The following STK32B variants were observed in gnomAD, a reference collection of about 807,000 sequenced individuals.
STK32B encodes serine/threonine-protein kinase 32B.
In STK32B, 43 loss-of-function variants were observed where a neutral mutation model predicts 52.6. That is an observed-to-expected ratio of 0.82 (90% confidence interval 0.64 to 1.05). The LOEUF is 1.05. Among genes scored for constraint, STK32B ranks in the 50% least tolerant of loss-of-function variants. The pLI is 0.00. For synonymous variants in STK32B, 238 were observed against 204.3 expected, an observed-to-expected ratio of 1.17 and a Z score of -1.41; for missense variants, 621 against 534.6, an observed-to-expected ratio of 1.16 and a Z score of -1.59.
intron 1 of STK32B, among the ~76,000 whole-genome samples, chr4:5,053,567 A>G (rs1741873271): frequency 6.6e-6 from 1 of 152,166 alleles, no homozygotes; most frequent in South Asian, 2.1e-4. Context: ...CAGCTTGAAA[A>G]TATTCATTGG....
intron 4 of STK32B, among the ~76,000 whole-genome samples, chr4:5,370,821 A>T (rs1735177045): frequency 6.6e-6 from 1 of 151,924 alleles, no homozygotes; most frequent in Admixed American, 6.6e-5. Flanking sequence ...AAAATAAAAA[A>T]AATTAGCCAG....
intron 3 of STK32B, among the ~76,000 whole-genome samples, chr4:5,311,405 C>T (rs1730279127): frequency 6.6e-6 from 1 of 151,740 alleles, no homozygotes; most frequent in African/African-American, 2.4e-5. Flanking sequence ...CAAAATAAAC[C>T]CAAGGCAAGC....
intron 3 of STK32B, among the ~76,000 whole-genome samples, chr4:5,253,714 A>G (rs142694412): frequency 6.6e-6 from 1 of 152,084 alleles, no homozygotes; most frequent in Non-Finnish European, 1.5e-5. Flanking sequence ...AGGTCTGGAG[A>G]TCTGTAGCAC....
chr4:5,326,276 C>T (rs1283341178), intron 3 of STK32B, among the ~76,000 whole-genome samples: 2 of 152,132 alleles, frequency 1.3e-5, no homozygotes, highest in South Asian at 2.1e-4. Flanking sequence ...TGTTTGATTC[C>T]TGTGTTTTCT....
intron 4 of STK32B, among the ~76,000 whole-genome samples, chr4:5,384,088 G>A (rs1441992703): frequency 6.6e-6 from 1 of 152,242 alleles, no homozygotes; most frequent in African/African-American, 2.4e-5. Context: ...GGCCATAGCG[G>A]GGGACAATGC....
chr4:5,063,796 G>T (rs1025598997), intron 1 of STK32B, among the ~76,000 whole-genome samples: 2 of 152,034 alleles, frequency 1.3e-5, no homozygotes, highest in Admixed American at 6.6e-5. Flanking sequence ...CTAACTTATC[G>T]AACAGCATAC....
intron 3 of STK32B, among the ~76,000 whole-genome samples, chr4:5,178,772 C>A (rs1298997837): frequency 6.6e-6 from 1 of 152,206 alleles, no homozygotes; most frequent in Non-Finnish European, 1.5e-5. Flanking sequence ...CCCAACAGGC[C>A]TCTCATCTCC....
At chr4:5,052,225 A>G (rs1388582102) in intron 1 of STK32B, among the ~76,000 whole-genome samples, 1 of 152,112 alleles carries the variant, frequency 6.6e-6, no homozygotes, top group African/African-American at 2.4e-5. Flanking sequence ...TTCGGAGGCC[A>G]GTCGGGATGG....
At chr4:5,463,456 A>G (rs957466590) in intron 9 of STK32B, among the ~76,000 whole-genome samples, 22 of 146,492 alleles carry the variant, frequency 1.5e-4, no homozygotes, top group African/African-American at 5.5e-4. Context: ...ACACACCCAC[A>G]CACTGATGCA....
chr4:5,334,320 T>A (rs1272725724), intron 4 of STK32B, among the ~76,000 whole-genome samples: 7 of 151,564 alleles, frequency 4.6e-5, no homozygotes, highest in African/African-American at 1.2e-4. Flanking sequence ...TTTTTATACA[T>A]TGATTTTGTA....
At chr4:5,217,126 T>C (rs917125383) in intron 3 of STK32B, among the ~76,000 whole-genome samples, 3 of 152,212 alleles carry the variant, frequency 2.0e-5, no homozygotes, top group Non-Finnish European at 4.4e-5. Flanking sequence ...AGGCCAATTA[T>C]GCATTGCCTT....
At chr4:5,450,423 T>C (rs961180722) in intron 7 of STK32B, among the ~76,000 whole-genome samples, 1 of 152,128 alleles carries the variant, frequency 6.6e-6, no homozygotes, top group Non-Finnish European at 1.5e-5. Context: ...TGAGCACCCA[T>C]CTGTTCATTG....
chr4:5,317,918 A>T (rs1231435691), intron 3 of STK32B, among the ~76,000 whole-genome samples: 1 of 152,076 alleles, frequency 6.6e-6, no homozygotes, highest in Non-Finnish European at 1.5e-5. Flanking sequence ...TCACCTGAAA[A>T]TCTGTTAGAA....
At chr4:5,270,461 C>A (rs1227956048) in intron 3 of STK32B, among the ~76,000 whole-genome samples, 3 of 152,076 alleles carry the variant, frequency 2.0e-5, no homozygotes, top group Non-Finnish European at 4.4e-5. Flanking sequence ...CTTTCCCAGT[C>A]CACTGACTCA....
intron 11 of STK32B, among the ~76,000 whole-genome samples, chr4:5,474,841 G>A (rs1384722547): frequency 2.0e-5 from 3 of 152,168 alleles, no homozygotes; most frequent in Non-Finnish European, 4.4e-5. Flanking sequence ...ATTCTGACTT[G>A]AATGGTGTCT....
chr4:5,420,111 G>C (rs548313741), intron 6 of STK32B, among the ~76,000 whole-genome samples: 1 of 152,240 alleles, frequency 6.6e-6, no homozygotes, highest in South Asian at 2.1e-4. Flanking sequence ...AGGCTTAGGA[G>C]GTTGGGTGAC....
At chr4:5,287,430 T>C (rs891114691) in intron 3 of STK32B, among the ~76,000 whole-genome samples, 5 of 152,164 alleles carry the variant, frequency 3.3e-5, no homozygotes, top group African/African-American at 4.8e-5. Flanking sequence ...TAAAAGAAAC[T>C]CTTCAAGCCT....
intron 3 of STK32B, among the ~76,000 whole-genome samples, chr4:5,197,662 C>A (rs1721793988): frequency 6.6e-6 from 1 of 152,200 alleles, no homozygotes; most frequent in Admixed American, 6.5e-5. Context: ...TGAACATAGT[C>A]TGCTTTTGCA....
intron 4 of STK32B, among the ~76,000 whole-genome samples, chr4:5,342,941 G>A (rs1264664410): frequency 1.3e-5 from 2 of 152,106 alleles, no homozygotes; most frequent in South Asian, 2.1e-4. Flanking sequence ...GAACTTCTCT[G>A]ACCAAATATT....
Sources: allele counts gnomAD v4.1 joint callset (sites outside exome capture counted in the v4.1 genomes callset), GRCh38; gene constraint gnomAD v4.1.1; transcripts MANE v1.5; gene names NCBI Gene and HGNC (gene_info 2026-07-23, HGNC 2026-07-21).